The following MTREX variants were observed in gnomAD, a reference collection of about 807,000 sequenced individuals.
MTREX encodes the protein exosome RNA helicase MTR4.
MTREX carries 76 observed loss-of-function variants against 135.4 expected under a neutral mutation model. That is an observed-to-expected ratio of 0.56 (90% CI 0.47 to 0.68). The LOEUF (loss-of-function observed/expected upper bound fraction) is 0.68. Among genes scored for constraint, MTREX ranks in the 30% least tolerant of loss-of-function variants. The pLI is 0.00. For synonymous variants in MTREX, 404 were observed against 401.6 expected, an observed-to-expected ratio of 1.01 and a Z score of -0.07; for missense variants, 920 against 1,262.1, an observed-to-expected ratio of 0.73 and a Z score of 4.11.
At chr5:55,409,894 T>TTTATA (rs1234846126) in intron 22 of MTREX, among the ~76,000 whole-genome samples, 2 of 152,154 alleles carry the variant, frequency 1.3e-5, no homozygotes, top group Non-Finnish European at 2.9e-5. Context: ...ATATACACTT[T>TTTATA]CAGCCTTTGG....
chr5:55,392,358 A>G (rs1284488825), intron 19 of MTREX, among the ~76,000 whole-genome samples: 1 of 152,004 alleles, frequency 6.6e-6, no homozygotes, highest in Non-Finnish European at 1.5e-5. Context: ...AGCCTGGCCA[A>G]CGTGGCCAAA....
rs1751130217 is a variant in MTREX at position 55,424,943 on chromosome 5, A to C, written c.*171A>C. ...ATTACATACATGTTTATACATAAGC[A>C]TTACATTTTTTTAATAAAAATGTAT... is the stretch of plus-strand genomic sequence containing the variant. On this transcript the variant is annotated 3_prime_UTR_variant, in exon 27 of 27. Coordinates refer to ENST00000230640, the MANE Select transcript of MTREX (RefSeq NM_015360.5). 1 of 634,366 alleles carries C rather than the reference A, an allele frequency of 1.6e-6. No individual in the cohort carries two copies. The highest frequency in any genetic ancestry group is 1.8e-5 in the African/African-American group (1 of 54,674). 39.3% of individuals were successfully genotyped at this position (634,366 alleles called of 1,614,324 possible).
chr5:55,318,303 T>C (rs939425830), intron 1 of MTREX, among the ~76,000 whole-genome samples: 2 of 152,068 alleles, frequency 1.3e-5, no homozygotes, highest in Non-Finnish European at 2.9e-5. Flanking sequence ...CATTCTACCA[T>C]AAAGACACAT....
intron 18 of MTREX, among the ~76,000 whole-genome samples, chr5:55,381,414 C>T (rs2112102284): frequency 6.6e-6 from 1 of 152,238 alleles, no homozygotes; most frequent in South Asian, 2.1e-4. Context: ...ATAAATTTCC[C>T]TCTACAGACG....
chr5:55,358,484 G>C, intron 14 of MTREX, 89 bp from the exon 15 acceptor site: 1 of 1,118,062 alleles, frequency 8.9e-7, no homozygotes, highest in East Asian at 2.7e-5. Flanking sequence ...TTTATAACTT[G>C]TTATAAATTT....
In MTREX at chr5:55,383,992, A is replaced by G. The variant is rs181965706; in HGVS notation, c.2053-3982A>G. On this transcript the variant is annotated intron_variant, in intron 18 of 26. Transcript: ENST00000230640. Reference sequence around the variant, plus strand: ...CATTACATTGCCCAGGCTGGTTTCAAACTTCTAGGCTCAAGCAATCCTCCC... The same window carrying G: ...CATTACATTGCCCAGGCTGGTTTCAGACTTCTAGGCTCAAGCAATCCTCCC... Among the ~76,000 whole-genome samples the G allele has an allele frequency of 4.7e-4, 71 of 152,256 alleles. No homozygotes were observed. In the East Asian group the frequency reaches 0.011, roughly 23 times the overall value.
At chr5:55,326,423 A>G (rs1424436681) in intron 3 of MTREX, among the ~76,000 whole-genome samples, 3 of 152,034 alleles carry the variant, frequency 2.0e-5, no homozygotes, top group Non-Finnish European at 2.9e-5. Flanking sequence ...AGAAAAGAAA[A>G]AAGAAATACA....
At chr5:55,378,202 A>T in intron 16 of MTREX, 112 bp from the exon 17 acceptor site, 4 of 1,277,646 alleles carry the variant, frequency 3.1e-6, no homozygotes, top group Non-Finnish European at 4.1e-6. Context: ...TGGAAGGTAA[A>T]CAAAAACCGC....
At chr5:55,354,729 T>A (rs1367143177) in intron 14 of MTREX, among the ~76,000 whole-genome samples, 1 of 152,156 alleles carries the variant, frequency 6.6e-6, no homozygotes, top group Non-Finnish European at 1.5e-5. Flanking sequence ...AAACCCTCTG[T>A]GCTAGCAGGG....
At chr5:55,420,625 G>T (rs867807980) in intron 25 of MTREX, among the ~76,000 whole-genome samples, 3 of 152,180 alleles carry the variant, frequency 2.0e-5, no homozygotes, top group Middle Eastern at 3.2e-3. Flanking sequence ...GCCACATAGT[G>T]TATAATTTCA....
chr5:55,405,659 T>G, intron 22 of MTREX, 71 bp downstream of exon 22: 1 of 1,390,378 alleles, frequency 7.2e-7, no homozygotes, highest in Admixed American at 2.1e-5. Flanking sequence ...TGTTTATTTT[T>G]TTTGAGATGG....
intron 1 of MTREX, among the ~76,000 whole-genome samples, chr5:55,315,041 T>G (rs535339194): frequency 6.6e-6 from 1 of 152,318 alleles, no homozygotes; most frequent in South Asian, 2.1e-4. Context: ...GGGGCCCATT[T>G]TAAGCCACTG....
chr5:55,308,610 A>G (rs1749026545), intron 1 of MTREX, among the ~76,000 whole-genome samples: 1 of 152,206 alleles, frequency 6.6e-6, no homozygotes, highest in South Asian at 2.1e-4. Context: ...AAATGGAGAT[A>G]ATAGTGCCTA....
intron 22 of MTREX, among the ~76,000 whole-genome samples, chr5:55,408,232 C>T (rs1409856120): frequency 6.6e-6 from 1 of 152,158 alleles, no homozygotes; most frequent in East Asian, 1.9e-4. Context: ...ACCCCATATC[C>T]TGCGATTCTT....
intron 1 of MTREX, among the ~76,000 whole-genome samples, chr5:55,321,734 G>A (rs533319277): frequency 6.6e-6 from 1 of 150,850 alleles, no homozygotes; most frequent in African/African-American, 2.4e-5. Flanking sequence ...CCAGCCTCTC[G>A]AGTAGCTGGG....
intron 22 of MTREX, among the ~76,000 whole-genome samples, chr5:55,409,967 C>T (rs1165938296): frequency 6.6e-6 from 1 of 152,124 alleles, no homozygotes; most frequent in Non-Finnish European, 1.5e-5. Flanking sequence ...GTAATCCCAG[C>T]ATTTGGGGAG....
At chr5:55,341,633 C>T in intron 6 of MTREX, 48 bp from the exon 7 acceptor site, 1 of 955,246 alleles carries the variant, frequency 1.0e-6, no homozygotes, top group Non-Finnish European at 1.6e-6. Context: ...TAACTATTAG[C>T]TGTTATGTCA....
chr5:55,341,660 AT>A lies in MTREX; in HGVS notation c.691-15del. ...GTTATGTCAGAATCCAACTAAATACATTTTTTACTTTTTTCTTTAGATTTTG... is the reference window on the plus strand; with the variant it reads ...GTTATGTCAGAATCCAACTAAATACATTTTTACTTTTTTCTTTAGATTTTG... On this transcript the variant is annotated intron_variant, in intron 6 of 26. Transcript: ENST00000230640. 2 of 1,403,670 alleles carry A rather than the reference AT, an allele frequency of 1.4e-6. No individual in the cohort carries two copies. The highest frequency in any genetic ancestry group is 2.0e-6 in the Non-Finnish European group (2 of 1,007,888). 87.0% of individuals were successfully genotyped at this position (1,403,670 alleles called of 1,614,324 possible).
At chr5:55,408,929 ATTTATTTATTTATTTATTTATTT>A (rs1750846819) in intron 22 of MTREX, among the ~76,000 whole-genome samples, 1 of 7,754 alleles carries the variant, frequency 1.3e-4, no homozygotes, top group Non-Finnish European at 1.1e-3. Flanking sequence ...TTATTTATTT[ATTTATTTATTTATTTATTTATTT>A]ATTTATTTAT....
Sources: gnomAD v4.1 joint callset for allele counts (sites outside exome capture counted in the v4.1 genomes callset) on GRCh38, gnomAD v4.1.1 for gene constraint, MANE v1.5 for transcripts, NCBI Gene and HGNC (gene_info 2026-07-23, HGNC 2026-07-21) for gene names.